BRD8: variants seen among roughly 807,000 people sequenced by gnomAD.
The protein encoded by BRD8 is bromodomain-containing protein 8.
BRD8 carries 67 observed loss-of-function variants against 143.1 expected under a neutral mutation model. The ratio of observed to expected loss-of-function variants is 0.47; its 90% CI spans 0.38 to 0.57. The LOEUF (loss-of-function observed/expected upper bound fraction) is 0.57, where lower values mean the gene tolerates loss of function less well. Among genes scored for constraint, BRD8 ranks in the 20% least tolerant of loss-of-function variants. The probability of loss-of-function intolerance (pLI) is 0.00; values close to 1 mark genes in which losing one functional copy is unlikely to be tolerated. For synonymous variants in BRD8, 505 were observed against 517.1 expected (o/e 0.98, Z 0.32); for missense variants, 1,103 against 1,503.0 (o/e 0.73, Z 4.40).
At chr5:138,171,204 A>G (rs1216342805) in intron 4 of BRD8, 44 bp from the exon 5 acceptor site, 2 of 1,569,428 alleles carry the variant, frequency 1.3e-6, no homozygotes, top group Non-Finnish European at 1.7e-6. Flanking sequence ...AAATAACATA[A>G]CATTTATCCC....
Position 138,166,516 on chromosome 5 carries a change from A to T in BRD8, c.997+2T>A, listed in dbSNP as rs747907436. The T allele has an allele frequency of 3.1e-6, 5 of 1,598,264 alleles. No individual in the cohort carries two copies. The highest frequency in any genetic ancestry group is 4.3e-6 in the Non-Finnish European group (5 of 1,170,502). On this transcript the variant is annotated splice_donor_variant, in intron 10 of 26. Coordinates refer to ENST00000254900, the MANE Select transcript of BRD8 (RefSeq NM_139199.2). LOFTEE classifies it high-confidence loss of function. ...AGATCTAGTGGCTGCTCAGGGACGC[A>T]CCTGGAGCTACACTTTCAGTAGTGG...
In BRD8 at chr5:138,160,932, T is replaced by A. The variant is rs1220157867; in HGVS notation, c.2386A>T (p.Met796Leu). 6.2e-7 allele frequency: 1 copy of A among 1,612,404 alleles called. No homozygotes were observed. Among genetic ancestry groups the A allele is most frequent in the Admixed American group, 1.7e-5 (1 of 59,760 alleles). Reference protein sequence around the residue: ...YNSSDHDVYHMAVEMQRDVLE... With the variant: ...YNSSDHDVYHLAVEMQRDVLE... Reference sequence around the variant, plus strand: ...ACATCTCGCTGCATCTCCACTGCCATGTGATAGACATCATGGTCTGAGCTA... The same window carrying A: ...ACATCTCGCTGCATCTCCACTGCCAAGTGATAGACATCATGGTCTGAGCTA... The change falls in exon 18 of 27, where the codon ATG (methionine) becomes TTG (leucine). Residue 796 changes from methionine (M) to leucine (L), a missense_variant. Coordinates refer to ENST00000254900, the MANE Select transcript of BRD8 (RefSeq NM_139199.2).
chr5:138,171,985 A>T, intron 3 of BRD8, 80 bp downstream of exon 3: 1 of 1,033,680 alleles, frequency 9.7e-7, no homozygotes, highest in Non-Finnish European at 1.5e-6. Flanking sequence ...AAAGCTTTGT[A>T]ACTAAAAGTC....
At chr5:138,169,000 A>C (rs1486342051) in intron 8 of BRD8, among the ~76,000 whole-genome samples, 2 of 152,168 alleles carry the variant, frequency 1.3e-5, no homozygotes, top group African/African-American at 2.4e-5. Context: ...GTATGAAACA[A>C]TTTCTTAAAA....
chr5:138,165,392 T>G (rs936070820), intron 11 of BRD8, among the ~76,000 whole-genome samples: 1 of 152,112 alleles, frequency 6.6e-6, no homozygotes, highest in African/African-American at 2.4e-5. Context: ...AAGATGGAGA[T>G]GGGCAGAAGT....
chr5:138,166,558 G>C lies in BRD8; in HGVS notation c.957C>G (p.Ser319=). ...CAGTAGTGGAGACAGCCGGAGCAGAGGATGGTGCTGGCAGCGCAGGCATCA... is the reference window on the plus strand; with the variant it reads ...CAGTAGTGGAGACAGCCGGAGCAGACGATGGTGCTGGCAGCGCAGGCATCA... ...IVMMPALPAP[S]SAPAVSTTES... is the part of the protein sequence containing the mutation. Residue 319 remains serine, a synonymous_variant, in exon 10 of 27, where the codon TCC becomes TCG. Transcript: ENST00000254900. The C allele has an allele frequency of 2.5e-6, 4 of 1,613,996 alleles. No homozygotes were observed. The highest frequency in any genetic ancestry group is 2.5e-6 in the Non-Finnish European group (3 of 1,179,930).
chr5:138,156,759 A>ACTTTTC (rs1752621116), intron 20 of BRD8: 1 of 877,674 alleles, frequency 1.1e-6, no homozygotes, highest in African/African-American at 1.8e-5. Context: ...AGTTCATAAG[A>ACTTTTC]CTTTTCCCCT....
chr5:138,176,909 AC>A (rs1754379415), intron 2 of BRD8, among the ~76,000 whole-genome samples: 1 of 150,386 alleles, frequency 6.6e-6, no homozygotes, highest in Non-Finnish European at 1.5e-5. Context: ...ACATGATGAA[AC>A]CCCCATCTCT....
At chr5:138,166,247 T>C in intron 10 of BRD8, 139 bp from the exon 11 acceptor site, 1 of 688,904 alleles carries the variant, frequency 1.5e-6, no homozygotes, top group South Asian at 1.8e-5. Context: ...TGTGCCTATG[T>C]TTTCTTCTCC....
chr5:138,153,684 T>C (rs1360381862), intron 20 of BRD8, among the ~76,000 whole-genome samples: 2 of 149,712 alleles, frequency 1.3e-5, no homozygotes, highest in Non-Finnish European at 3.0e-5. Flanking sequence ...TTTTTTTTTT[T>C]TTTTTTTTTT....
intron 2 of BRD8, among the ~76,000 whole-genome samples, chr5:138,176,449 C>A (rs892829120): frequency 1.3e-5 from 2 of 152,144 alleles, no homozygotes; most frequent in Non-Finnish European, 2.9e-5. Flanking sequence ...TGGCGCATGG[C>A]TGTAATCCCA....
At chr5:138,148,068 C>T (rs762431829) in intron 23 of BRD8, among the ~76,000 whole-genome samples, 6 of 149,298 alleles carry the variant, frequency 4.0e-5, no homozygotes, top group Non-Finnish European at 5.9e-5. Flanking sequence ...CAGGGGTGTC[C>T]AATCTTTTGG....
intron 2 of BRD8, among the ~76,000 whole-genome samples, chr5:138,175,204 C>T (rs1754224239): frequency 6.6e-6 from 1 of 152,026 alleles, no homozygotes; most frequent in African/African-American, 2.4e-5. Flanking sequence ...GTTTTTAACC[C>T]ATTTCTTTGT....
chr5:138,168,829 T>G (rs1753646076), intron 8 of BRD8: 1 of 612,052 alleles, frequency 1.6e-6, no homozygotes, highest in East Asian at 3.0e-5. Context: ...CTCCTGCTCT[T>G]AGCCATACTT....
chr5:138,153,673 C>CT (rs67848204), intron 20 of BRD8, among the ~76,000 whole-genome samples: 1,751 of 107,328 alleles, frequency 0.016, 16 homozygotes, highest in Non-Finnish European at 0.022. Context: ...CTTTTCTTTT[C>CT]TTTTTTTTTT....
intron 2 of BRD8, among the ~76,000 whole-genome samples, chr5:138,172,342 G>A (rs1041986472): frequency 7.3e-5 from 11 of 150,960 alleles, no homozygotes; most frequent in Non-Finnish European, 1.2e-4. Flanking sequence ...GGCCAACATG[G>A]TGAAACCCCG....
At chr5:138,174,295 G>T (rs1026529724) in intron 2 of BRD8, among the ~76,000 whole-genome samples, 4 of 151,846 alleles carry the variant, frequency 2.6e-5, no homozygotes, top group Non-Finnish European at 5.9e-5. Context: ...CATGTCTTAT[G>T]CTCTAAATGT....
Position 138,159,691 on chromosome 5 carries a change from C to T in BRD8, c.2533-92G>A, listed in dbSNP as rs545647649. On this transcript the variant is annotated intron_variant, in intron 19 of 26. Coordinates refer to ENST00000254900, the MANE Select transcript of BRD8 (RefSeq NM_139199.2). The stretch of plus-strand genomic sequence containing the variant: ...TCAGGACAGAGACACAAGCACCACA[C>T]ACACAAGGACAAAATTTTAAAACTC... 4 of 1,213,130 alleles carry T rather than the reference C, an allele frequency of 3.3e-6. No homozygotes were observed. The East Asian group carries it at 7.1e-5, about 22-fold the overall frequency. 75.1% of individuals were successfully genotyped at this position (1,213,130 alleles called of 1,614,324 possible).
At chr5:138,166,904 C>G in intron 9 of BRD8, 177 bp from the exon 10 acceptor site, 1 of 555,800 alleles carries the variant, frequency 1.8e-6, no homozygotes, top group South Asian at 2.0e-5. Flanking sequence ...AGATCTTCCT[C>G]CAAGTTAGGA....
Sources: gnomAD v4.1 joint callset for allele counts (sites outside exome capture counted in the v4.1 genomes callset) on GRCh38, gnomAD v4.1.1 for gene constraint, MANE v1.5 for transcripts, NCBI Gene and HGNC (gene_info 2026-07-23, HGNC 2026-07-21) for gene names.